The following SFMBT2 variants were observed in gnomAD, a reference collection of about 807,000 sequenced individuals.
The protein encoded by SFMBT2 is scm-like with four MBT domains protein 2.
In SFMBT2, 38 loss-of-function variants were observed where a neutral mutation model predicts 110.1. The observed-to-expected ratio is 0.35, with a 90% confidence interval of 0.27 to 0.45. The LOEUF (loss-of-function observed/expected upper bound fraction) is 0.45. Ranked by LOEUF, SFMBT2 falls within the 20% of genes least tolerant of loss-of-function variation. SFMBT2 has a pLI of 1.00. For synonymous variants in SFMBT2, 425 were observed against 425.4 expected, an observed-to-expected ratio of 1.00 and a Z score of 0.01; for missense variants, 1,011 against 1,094.9, an observed-to-expected ratio of 0.92 and a Z score of 1.08.
In SFMBT2 at chr10:7,185,941, C is replaced by T. The variant is rs117800816; in HGVS notation, c.1808+2683G>A. Among the ~76,000 whole-genome samples, 1,243 of 152,096 alleles carry T rather than the reference C, an allele frequency of 8.2e-3. 12 individuals carry two copies. The highest frequency in any genetic ancestry group is 0.037 in the Middle Eastern group (11 of 294). ...ATTGGCAAGAAAGAAATTTTCTCTT[C>T]CAGAACAGAAATGAACTACATGAGA... is the stretch of plus-strand genomic sequence containing the variant. On this transcript the variant is annotated intron_variant, in intron 16 of 20. Coordinates refer to ENST00000397167, the MANE Select transcript of SFMBT2 (RefSeq NM_001387889.1).
rs796254065 is a variant in SFMBT2, at chr10:7,297,264, C to T, written c.437-11310G>A. On this transcript the variant is annotated intron_variant, in intron 4 of 20. Transcript: ENST00000397167. Reference sequence around the variant, plus strand: ...GGCCTTGCACTCACTGAGAAAGCTGCAAAACACAGGAAATGGCAGGCTCCA... The same window carrying T: ...GGCCTTGCACTCACTGAGAAAGCTGTAAAACACAGGAAATGGCAGGCTCCA... 7.9e-5 allele frequency among the ~76,000 whole-genome samples: 12 copies of T among 152,296 alleles called. 1 individual carries two copies. Among genetic ancestry groups the T allele is most frequent in the African/African-American group, 2.9e-4 (12 of 41,558 alleles).
In SFMBT2 at chr10:7,232,323, C is replaced by T. The variant is rs1407694057; in HGVS notation, c.1121-4386G>A. On this transcript the variant is annotated intron_variant, in intron 9 of 20. Coordinates refer to ENST00000397167, the MANE Select transcript of SFMBT2 (RefSeq NM_001387889.1). ...TTGGCATTAAAAAAAAACTCCTACC[C>T]TTTGACGCAACCATTTCACTTCTGG... Among the ~76,000 whole-genome samples the T allele has an allele frequency of 2.0e-5, 3 of 152,278 alleles. No homozygotes were observed. In the East Asian group the frequency reaches 5.8e-4, roughly 29 times the overall value.
chr10:7,354,548 A>G (rs1351004005), intron 4 of SFMBT2, among the ~76,000 whole-genome samples: 1 of 152,146 alleles, frequency 6.6e-6, no homozygotes, highest in Admixed American at 6.5e-5. Context: ...GATCAGTCTC[A>G]TGGAAGAGAC....
chr10:7,338,271 T>G (rs1440525411), intron 4 of SFMBT2, among the ~76,000 whole-genome samples: 1 of 152,220 alleles, frequency 6.6e-6, no homozygotes, highest in Non-Finnish European at 1.5e-5. Context: ...AAAATGTGCA[T>G]GAACTTCACT....
At chr10:7,274,411 CAT>C (rs1841700691) in intron 7 of SFMBT2, among the ~76,000 whole-genome samples, 1 of 152,306 alleles carries the variant, frequency 6.6e-6, no homozygotes, top group African/African-American at 2.4e-5. Context: ...ATAATCCCCA[CAT>C]GTTGTGGGGA....
intron 9 of SFMBT2, among the ~76,000 whole-genome samples, chr10:7,234,778 CAAAAAAAAAGT>C (rs57695237): frequency 0.26 from 39,232 of 150,330 alleles, 5,242 homozygotes; most frequent in South Asian, 0.38. Flanking sequence ...CTCCAGACAC[CAAAAAAAAAGT>C]AAAAAATAAA....
At chr10:7,297,829 G>C (rs1425488255) in intron 4 of SFMBT2, among the ~76,000 whole-genome samples, 2 of 152,214 alleles carry the variant, frequency 1.3e-5, no homozygotes, top group Admixed American at 6.5e-5. Context: ...GCAAGAGTGT[G>C]ACCTGGGTGA....
Position 7,384,238 on chromosome 10 carries a change from A to AAAAAAAAAAAAAAAAAAAAAAT in SFMBT2, c.-51-2290_-51-2289insATTTTTTTTTTTTTTTTTTTTT, listed in dbSNP as rs1554812962. ...AAAAAAAAAAAAAAAAAAAAAAAAA[A>AAAAAAAAAAAAAAAAAAAAAAT]CAACCACAGAAAGGACAAATAAGTA... On this transcript the variant is annotated intron_variant, in intron 1 of 20. Transcript: ENST00000397167. 2.7e-5 allele frequency among the ~76,000 whole-genome samples: 4 copies of AAAAAAAAAAAAAAAAAAAAAAT among 145,522 alleles called. 1 individual carries two copies. Among genetic ancestry groups the AAAAAAAAAAAAAAAAAAAAAAT allele is most frequent in the Non-Finnish European group, 3.1e-5 (2 of 64,970 alleles).
At position 7,243,753 on chromosome 10, in the gene SFMBT2, C is replaced by T. The variant is rs759917934; in HGVS notation, c.973-48G>A. ...GCCAAAGGTTAATTCTTTAGAGTTA[C>T]ATATAATGCTAGTATAAAATAGTGG... On this transcript the variant is annotated intron_variant, in intron 8 of 20. Coordinates refer to ENST00000397167, the MANE Select transcript of SFMBT2 (RefSeq NM_001387889.1). The T allele has an allele frequency of 4.8e-6, 4 of 826,308 alleles. No individual in the cohort carries two copies. The Admixed American group carries it at 7.4e-5, about 15-fold the overall frequency. The allele number at this position is 826,308 out of a possible 1,614,324, so 51.2% of individuals were successfully genotyped here.
chr10:7,238,494 C>G (rs1357925651), intron 9 of SFMBT2, among the ~76,000 whole-genome samples: 1 of 152,144 alleles, frequency 6.6e-6, no homozygotes, highest in African/African-American at 2.4e-5. Context: ...ACGTGAGTGA[C>G]AAAATGGATT....
intron 4 of SFMBT2, among the ~76,000 whole-genome samples, chr10:7,359,616 T>C (rs527564070): frequency 3.7e-4 from 57 of 152,364 alleles, no homozygotes; most frequent in African/African-American, 1.2e-3. Context: ...ACGGTTTTCA[T>C]GTAGCGCAGA....
intron 16 of SFMBT2, among the ~76,000 whole-genome samples, chr10:7,188,022 T>TGATAC (rs1420467079): frequency 6.6e-6 from 1 of 152,228 alleles, no homozygotes; most frequent in Non-Finnish European, 1.5e-5. Flanking sequence ...TCAAGTACAT[T>TGATAC]GATACGGCTC....
rs138671315 is a variant in SFMBT2, at chr10:7,301,836, C to T, written c.437-15882G>A. Among the ~76,000 whole-genome samples, 448 of 151,966 alleles carry T rather than the reference C, an allele frequency of 2.9e-3. 4 individuals are homozygous for T. Among genetic ancestry groups the T allele is most frequent in the African/African-American group, 0.01 (425 of 41,450 alleles). ...GGAGAACTGCGTGGCTCTAGACTAT[C>T]GAAGGGGAAAAAAAACCACTGGTGT... On this transcript the variant is annotated intron_variant, in intron 4 of 20. Transcript: ENST00000397167. The surrounding 1 kb of genome is among the most constrained non-coding windows in gnomAD (Gnocchi z 4.2).
chr10:7,287,330 C>T (rs961475771), intron 4 of SFMBT2: 12 of 192,904 alleles, frequency 6.2e-5, no homozygotes, highest in Admixed American at 1.3e-4. Context: ...CCACCCGCCT[C>T]GGCCTCCCAA....
In SFMBT2 at chr10:7,392,983, TTATATATATATATATATATATATATA is replaced by T. The variant is rs760008467; in HGVS notation, c.-51-11060_-51-11035del. Among the ~76,000 whole-genome samples, 506 of 59,970 alleles carry T rather than the reference TTATATATATATATATATATATATATA, an allele frequency of 8.4e-3. 15 individuals carry two copies. Among genetic ancestry groups the T allele is most frequent in the East Asian group, 0.037 (38 of 1,018 alleles). The allele number at this position is 59,970 out of a possible 152,430, so 39.3% of individuals were successfully genotyped here. On this transcript the variant is annotated intron_variant, in intron 1 of 20. Coordinates refer to ENST00000397167, the MANE Select transcript of SFMBT2 (RefSeq NM_001387889.1). The stretch of plus-strand genomic sequence containing the variant: ...CTATATATACAAGTATGTGGATAGA[TTATATATATATATATATATATATATA>T]TATATATATATATATATATATATAT...
At chr10:7,237,477 C>T (rs1414933380) in intron 9 of SFMBT2, among the ~76,000 whole-genome samples, 1 of 152,162 alleles carries the variant, frequency 6.6e-6, no homozygotes, top group African/African-American at 2.4e-5. Flanking sequence ...GTAATAAAAA[C>T]AATGATACTG....
chr10:7,399,199 T>C (rs1378961173), intron 1 of SFMBT2, among the ~76,000 whole-genome samples: 2 of 152,120 alleles, frequency 1.3e-5, no homozygotes, highest in Non-Finnish European at 2.9e-5. Flanking sequence ...CTGGAGTGCA[T>C]AGATATCTCC....
In SFMBT2 at chr10:7,171,868, C is replaced by T; in HGVS notation, c.2415+27G>A. 2 of 1,394,344 alleles carry T rather than the reference C, an allele frequency of 1.4e-6. No homozygotes were observed. The highest frequency in any genetic ancestry group is 1.9e-6 in the Non-Finnish European group (2 of 1,076,852). The allele number at this position is 1,394,344 out of a possible 1,614,324, so 86.4% of individuals were successfully genotyped here. A position where few individuals can be genotyped will look rare whatever the true frequency, so the allele number is the denominator to read the frequency against. ...GTGCTTCTTCAGACCCAGCGGGAAG[C>T]CCTCTGTCCCCACGCCCGGGCATCA... On this transcript the variant is annotated intron_variant, in intron 19 of 20. Coordinates refer to ENST00000397167, the MANE Select transcript of SFMBT2 (RefSeq NM_001387889.1). This position sits in a 1 kb window ranked among gnomAD's most constrained non-coding sequence, Gnocchi z 4.9.
intron 13 of SFMBT2, 168 bp downstream of exon 13, chr10:7,202,312 C>T (rs899147787): frequency 2.8e-6 from 1 of 354,658 alleles, no homozygotes; most frequent in Non-Finnish European, 4.0e-6. Flanking sequence ...CTGTGTCTTG[C>T]ACATAACAGG....
Sources: gnomAD v4.1 joint callset for allele counts (sites outside exome capture counted in the v4.1 genomes callset) on GRCh38, gnomAD v4.1.1 for gene constraint, Gnocchi (gnomAD v3.1) non-coding constraint, MANE v1.5 for transcripts, NCBI Gene and HGNC (gene_info 2026-07-23, HGNC 2026-07-21) for gene names.